Variants in LRRC37A observed in about 807,000 individuals in gnomAD.
The protein encoded by LRRC37A is leucine-rich repeat-containing protein 37A.
A neutral mutation model predicts 35.4 loss-of-function variants in LRRC37A; 3 were observed. That is an observed-to-expected ratio of 0.08 (90% CI 0.04 to 0.22). The LOEUF is 0.22. Ranked by LOEUF, LRRC37A falls within the 10% of genes least tolerant of loss-of-function variation. The pLI, the probability that LRRC37A is intolerant of heterozygous loss-of-function variation, is 1.00. For missense variants in LRRC37A, 67 were observed against 565.3 expected (o/e 0.12, Z 8.94); for synonymous variants, 23 against 215.0 (o/e 0.11, Z 7.81).
At chr17:46,265,168 G>A in the LRRC37A span, among the ~76,000 whole-genome samples, 69 of 152,216 alleles carry the variant, frequency 4.5e-4, no homozygotes, top group Non-Finnish European at 6.2e-4. Flanking sequence ...CCTGAATGAG[G>A]GTAGATTAAC....
chr17:46,252,245 C>A, the LRRC37A span, among the ~76,000 whole-genome samples: 3 of 152,120 alleles, frequency 2.0e-5, no homozygotes, highest in Middle Eastern at 3.4e-3. Context: ...CTCGCTGTCA[C>A]CCACGTTGGA....
At chr17:46,266,823 C>G in the LRRC37A span, among the ~76,000 whole-genome samples, 8 of 151,712 alleles carry the variant, frequency 5.3e-5, no homozygotes, top group Admixed American at 1.3e-4. Flanking sequence ...CCCACAGGCC[C>G]GCGCCTGGCG....
At chr17:46,260,577 C>T in the LRRC37A span, 2 of 1,578,136 alleles carry the variant, frequency 1.3e-6, no homozygotes, top group East Asian at 4.5e-5. Flanking sequence ...CCCTCTCACA[C>T]CACAGCTCAC....
At chr17:46,268,281 A>C in the LRRC37A span, among the ~76,000 whole-genome samples, 2 of 152,194 alleles carry the variant, frequency 1.3e-5, no homozygotes, top group Admixed American at 6.5e-5. Flanking sequence ...GGCCTCCCAA[A>C]GTGCTAGGAT....
At chr17:46,251,015 T>A in the LRRC37A span, among the ~76,000 whole-genome samples, 1 of 152,168 alleles carries the variant, frequency 6.6e-6, no homozygotes, top group African/African-American at 2.4e-5. Flanking sequence ...CTCAGCCTCC[T>A]GAGAGCCCAG....
the LRRC37A span, among the ~76,000 whole-genome samples, chr17:46,279,598 C>T: frequency 6.8e-6 from 1 of 147,764 alleles, no homozygotes. Flanking sequence ...GTCTCCTGGG[C>T]TTAATCCTCC....
chr17:46,285,169 T>G, the LRRC37A span, among the ~76,000 whole-genome samples: 1 of 152,000 alleles, frequency 6.6e-6, no homozygotes, highest in Non-Finnish European at 1.5e-5. Context: ...ACACTGGCCT[T>G]CTGTGTCTTC....
At chr17:46,280,774 AT>A in the LRRC37A span, among the ~76,000 whole-genome samples, 4 of 151,950 alleles carry the variant, frequency 2.6e-5, no homozygotes, top group Admixed American at 1.3e-4. Flanking sequence ...AGGTTTTGCC[AT>A]GTTGGCCAGG....
chr17:46,272,330 T>C, the LRRC37A span, among the ~76,000 whole-genome samples: 1 of 152,238 alleles, frequency 6.6e-6, no homozygotes, highest in South Asian at 2.1e-4. Flanking sequence ...GTTATATAGA[T>C]CTTAATAGCA....
Position 46,336,270 on chromosome 17 carries a change from C to A in LRRC37A, c.4859+676C>A, listed in dbSNP as rs1158535199. ...CTGGTTTTTGGGCCCCTACTCTATT[C>A]CTTTTATGCAAACCTCACAGAATTT... On this transcript the variant is annotated intron_variant, in intron 11 of 13. Coordinates refer to ENST00000320254, the Ensembl canonical transcript of LRRC37A. Among the ~76,000 whole-genome samples the A allele has an allele frequency of 3.4e-4, 9 of 26,112 alleles. No homozygotes were observed. The Admixed American group carries it at 3.6e-3, about 10-fold the overall frequency. 17.1% of individuals were successfully genotyped at this position (26,112 alleles called of 152,430 possible). A position where few individuals can be genotyped will look rare whatever the true frequency, so the allele number is the denominator to read the frequency against.
the LRRC37A span, among the ~76,000 whole-genome samples, chr17:46,251,844 A>G: frequency 2.0e-5 from 3 of 151,658 alleles, no homozygotes; most frequent in Admixed American, 2.0e-4. Flanking sequence ...TATGGCCCTC[A>G]TGGAGGCCCT....
intron 10 of LRRC37A, among the ~76,000 whole-genome samples, chr17:46,332,948 C>A (rs1281342700): frequency 6.6e-6 from 1 of 151,296 alleles, no homozygotes; most frequent in Admixed American, 6.6e-5. Context: ...ACTATGTCAA[C>A]AATTGGATGT....
the LRRC37A span, among the ~76,000 whole-genome samples, chr17:46,252,350 G>A: frequency 1.4e-5 from 2 of 142,980 alleles, no homozygotes; most frequent in East Asian, 1.9e-4. Context: ...AAATACAGGC[G>A]CGTGCCACCA....
chr17:46,291,236 C>T (rs553311524), upstream of LRRC37A, among the ~76,000 whole-genome samples: 5 of 152,290 alleles, frequency 3.3e-5, no homozygotes, highest in South Asian at 2.1e-4. Flanking sequence ...GATGGTATAG[C>T]GGGTGCACAC....
At chr17:46,278,697 T>G in the LRRC37A span, among the ~76,000 whole-genome samples, 2 of 152,230 alleles carry the variant, frequency 1.3e-5, no homozygotes, top group Admixed American at 6.5e-5. Context: ...CCACCGCACC[T>G]GGCTGAGTCC....
the LRRC37A span, chr17:46,259,958 G>T: frequency 5.1e-6 from 8 of 1,577,532 alleles, no homozygotes; most frequent in East Asian, 4.8e-5. Context: ...TTCAGTTCTG[G>T]CTTGAGCCAC....
At position 46,314,630 on chromosome 17, in the gene LRRC37A, G is replaced by A. The variant is rs1466893840; in HGVS notation, c.2907-7692G>A. 2.7e-5 allele frequency among the ~76,000 whole-genome samples: 2 copies of A among 72,906 alleles called. 1 individual carries two copies. The highest frequency in any genetic ancestry group is 8.1e-5 in the Non-Finnish European group (2 of 24,570). The allele number at this position is 72,906 out of a possible 152,430, so 47.8% of individuals were successfully genotyped here. On this transcript the variant is annotated intron_variant, in intron 5 of 13. Transcript: ENST00000320254. ...GAGCTACCATGCCCAGCCAATAAAT[G>A]AAAACTTTTTCACTCAAAAAAACAA...
chr17:46,259,646 C>A, the LRRC37A span: 7 of 1,607,304 alleles, frequency 4.4e-6, no homozygotes, highest in Non-Finnish European at 5.1e-6. Context: ...GACACAGCAT[C>A]CTTGGCCACC....
At chr17:46,334,794 C>T (rs1283339141) in intron 10 of LRRC37A, 1 of 125,602 alleles carries the variant, frequency 8.0e-6, no homozygotes, top group Non-Finnish European at 1.7e-5. Flanking sequence ...ACAGTCAGCC[C>T]TCTTCATCAG....
Sources: gnomAD v4.1 joint callset for allele counts (sites outside exome capture counted in the v4.1 genomes callset) on GRCh38, gnomAD v4.1.1 for gene constraint, MANE v1.5 for transcripts, NCBI Gene and HGNC (gene_info 2026-07-23, HGNC 2026-07-21) for gene names.